The following LRRC19 variants were observed in gnomAD, a reference collection of about 807,000 sequenced individuals.
LRRC19 encodes the protein leucine rich repeat containing 19.
LRRC19 carries 33 observed loss-of-function variants against 33.3 expected under a neutral mutation model. That is an observed-to-expected ratio of 0.99 (90% CI 0.75 to 1.33). LRRC19 has a LOEUF of 1.33. LRRC19 is among the 40% of genes most tolerant of loss of function. LRRC19 has a pLI of 0.00. For synonymous variants in LRRC19, 184 were observed against 152.3 expected, an observed-to-expected ratio of 1.21 and a Z score of -1.53; for missense variants, 463 against 417.3, an observed-to-expected ratio of 1.11 and a Z score of -0.95.
At chr9:27,003,592 TTAGC>T (rs1400667467) in intron 1 of LRRC19, among the ~76,000 whole-genome samples, 4 of 152,154 alleles carry the variant, frequency 2.6e-5, no homozygotes, top group African/African-American at 9.7e-5. Context: ...TCTCGCCTCG[TTAGC>T]AATAAGGAAT....
Position 26,995,850 on chromosome 9 carries a change from C to A in LRRC19, c.785-1G>T. 1.3e-6 allele frequency: 2 copies of A among 1,589,900 alleles called. No homozygotes were observed. The highest frequency in any genetic ancestry group is 1.2e-5 in the South Asian group (1 of 86,590). Reference sequence around the variant, plus strand: ...CAACTTTTTCCAAGAGGTTCATGTTCTTTAATGGAATACCAAGAGAGGAGA... The same window carrying A: ...CAACTTTTTCCAAGAGGTTCATGTTATTTAATGGAATACCAAGAGAGGAGA... On this transcript the variant is annotated splice_acceptor_variant, in intron 4 of 4. Transcript: ENST00000380055. LOFTEE classifies it high-confidence loss of function.
At position 26,995,657 on chromosome 9, in the gene LRRC19, G is replaced by C. The variant is rs754027539; in HGVS notation, c.977C>G (p.Ser326Cys). ...YEDGFTGNPS[S>C]LSQIPETNSE... ...GTTTGTTTCTGGTATCTGTGAAAGA[G>C]AGCTTGGATTTCCAGTAAAACCATC... Residue 326 changes from serine to cysteine, a missense_variant, in exon 5 of 5, where the codon TCT becomes TGT. Physicochemically the swap from Ser to Cys is moderately radical, Grantham distance 112. Coordinates refer to ENST00000380055, the MANE Select transcript of LRRC19 (RefSeq NM_022901.3). The C allele has an allele frequency of 1.9e-6, 3 of 1,613,834 alleles. No individual in the cohort carries two copies. Among genetic ancestry groups the C allele is most frequent in the South Asian group, 1.1e-5 (1 of 91,066 alleles).
At position 26,993,616 on chromosome 9, in the gene LRRC19, C is replaced by T. The variant is rs979013664; in HGVS notation, c.*1905G>A. The T allele has an allele frequency of 6.6e-6, 1 of 152,226 alleles. No homozygotes were observed. Among genetic ancestry groups the T allele is most frequent in the African/African-American group, 2.4e-5 (1 of 41,390 alleles). 9.4% of individuals were successfully genotyped at this position (152,226 alleles called of 1,614,324 possible). ...TGACATAGATCTATTTTATTTTAGC[C>T]TCTTTTTTCTAAGGAATTGTCAAGT... On this transcript the variant is annotated 3_prime_UTR_variant, in exon 5 of 5. Coordinates refer to ENST00000380055, the MANE Select transcript of LRRC19 (RefSeq NM_022901.3).
At position 27,005,361 on chromosome 9, in the gene LRRC19, G is replaced by GCC. The variant is rs916556296; in HGVS notation, c.-10+229_-10+230dup. 3.2e-4 allele frequency among the ~76,000 whole-genome samples: 8 copies of GCC among 25,314 alleles called. 3 individuals are homozygous for GCC. In the East Asian group the frequency reaches 0.013, roughly 41 times the overall value. The allele number at this position is 25,314 out of a possible 152,430, so 16.6% of individuals were successfully genotyped here. On this transcript the variant is annotated intron_variant, in intron 1 of 4. Coordinates refer to ENST00000380055, the MANE Select transcript of LRRC19 (RefSeq NM_022901.3). ...GCTAGATGAAACCATTTCCCCCCCC[G>GCC]CCCCCCGCAAAACAATTACTTAGTA...
At position 26,998,127 on chromosome 9, in the gene LRRC19, T is replaced by G; in HGVS notation, c.196A>C (p.Thr66Pro). The change falls in exon 3 of 5, where the codon ACA (threonine) becomes CCA (proline). Residue 66 changes from threonine to proline, a missense_variant. Transcript: ENST00000380055. ...YNQITLNGTD[T>P]RVLQTYFLLT... ...AAAAAGTATGTCTGTAGAACTCTTGTGTCTGTACCATTAAGAGTAATTTGG... is the reference window on the plus strand; with the variant it reads ...AAAAAGTATGTCTGTAGAACTCTTGGGTCTGTACCATTAAGAGTAATTTGG... 1.2e-6 allele frequency: 2 copies of G among 1,612,102 alleles called. No homozygotes were observed. The highest frequency in any genetic ancestry group is 1.7e-6 in the Non-Finnish European group (2 of 1,178,462).
In LRRC19 at chr9:26,993,598, G is replaced by C. The variant is rs1281817273; in HGVS notation, c.*1923C>G. On this transcript the variant is annotated 3_prime_UTR_variant, in exon 5 of 5. Coordinates refer to ENST00000380055, the MANE Select transcript of LRRC19 (RefSeq NM_022901.3). ...TGACTATTCTATAGATTATGACATA[G>C]ATCTATTTTATTTTAGCCTCTTTTT... is the stretch of plus-strand genomic sequence containing the variant. 5.3e-5 allele frequency: 8 copies of C among 152,290 alleles called. No individual in the cohort carries two copies. The highest frequency in any genetic ancestry group is 1.2e-4 in the Non-Finnish European group (8 of 67,994). 9.4% of individuals were successfully genotyped at this position (152,290 alleles called of 1,614,324 possible).
Position 26,998,155 on chromosome 9 carries a change from A to G in LRRC19, c.168T>C (p.Tyr56=). 6.2e-7 allele frequency: 1 copy of G among 1,604,306 alleles called. No individual in the cohort carries two copies. The highest frequency in any genetic ancestry group is 2.2e-5 in the East Asian group (1 of 44,718). ...KKDVTILDLS[Y]NQITLNGTDT... is the part of the protein sequence containing the mutation. ...CTGTACCATTAAGAGTAATTTGGTT[A>G]TAACTGAGATCAAGTATAGTAACAT... Residue 56 remains tyrosine (Y), a synonymous_variant, in exon 3 of 5, where the codon TAT becomes TAC. Coordinates refer to ENST00000380055, the MANE Select transcript of LRRC19 (RefSeq NM_022901.3).
At chr9:26,996,522 A>T (rs1828168391) in intron 3 of LRRC19, 23 bp from the exon 4 acceptor site, 7 of 1,364,024 alleles carry the variant, frequency 5.1e-6, no homozygotes, top group Non-Finnish European at 6.7e-6. Context: ...AAAGAATAAG[A>T]TTTAGTATAG....
In LRRC19 at chr9:26,995,465, A is replaced by G. The variant is rs1220600151; in HGVS notation, c.*56T>C. ...TGTTATGTCACATAGCAAAATCTCCATATCTAAACTGAGTGAGCTGATAAC... is the reference window on the plus strand; with the variant it reads ...TGTTATGTCACATAGCAAAATCTCCGTATCTAAACTGAGTGAGCTGATAAC... On this transcript the variant is annotated 3_prime_UTR_variant, in exon 5 of 5. Transcript: ENST00000380055. 3.0e-6 allele frequency: 3 copies of G among 1,009,116 alleles called. No homozygotes were observed. The highest frequency in any genetic ancestry group is 2.8e-5 in the Admixed American group (1 of 35,400). 62.5% of individuals were successfully genotyped at this position (1,009,116 alleles called of 1,614,324 possible).
chr9:26,998,759 G>A (rs1203744699), intron 2 of LRRC19, among the ~76,000 whole-genome samples: 2 of 151,674 alleles, frequency 1.3e-5, no homozygotes, highest in African/African-American at 4.8e-5. Context: ...TGAGGCAGGC[G>A]GGTTACCTGA....
At chr9:26,997,301 T>C (rs992829572) in intron 3 of LRRC19, among the ~76,000 whole-genome samples, 1 of 151,994 alleles carries the variant, frequency 6.6e-6, no homozygotes, top group Admixed American at 6.6e-5. Flanking sequence ...TTTCTTCCTG[T>C]TTTGCTTAAA....
chr9:26,998,308 T>A, intron 2 of LRRC19, 67 bp from the exon 3 acceptor site: 2 of 998,332 alleles, frequency 2.0e-6, no homozygotes, highest in South Asian at 4.2e-5. Context: ...CCAAATTTCA[T>A]ATTTAAGCAC....
At chr9:27,003,524 GAA>G in intron 1 of LRRC19, among the ~76,000 whole-genome samples, 1 of 146,298 alleles carries the variant, frequency 6.8e-6, no homozygotes, top group East Asian at 2.0e-4. Flanking sequence ...CTCTGTCTCA[GAA>G]AAAAAAAAGA....
chr9:26,995,583 C>A lies in LRRC19; in HGVS notation c.1051G>T (p.Asp351Tyr). The change falls in exon 5 of 5, where the codon GAT becomes TAT. Residue 351 changes from aspartate to tyrosine, a missense_variant. Asp to Tyr is a radical substitution (Grantham distance 160). Coordinates refer to ENST00000380055, the MANE Select transcript of LRRC19 (RefSeq NM_022901.3). The stretch of plus-strand genomic sequence containing the variant: ...TTGTCTTCAATAAATCCATCATCAT[C>A]TACCACAAATGAATGTAATTGTTCA... ...IFEQLHSFVV[D>Y]DDGFIEDKYI... 1 of 1,601,360 alleles carries A rather than the reference C, an allele frequency of 6.2e-7. No homozygotes were observed. Among genetic ancestry groups the A allele is most frequent in the South Asian group, 1.1e-5 (1 of 90,686 alleles).
intron 1 of LRRC19, among the ~76,000 whole-genome samples, chr9:27,003,284 A>G (rs1331363215): frequency 6.6e-6 from 1 of 151,970 alleles, no homozygotes; most frequent in Non-Finnish European, 1.5e-5. Context: ...GCACTTTGGG[A>G]GGCCGAGGCG....
intron 3 of LRRC19, 144 bp from the exon 4 acceptor site, chr9:26,996,643 T>G (rs976149486): frequency 6.2e-6 from 3 of 483,312 alleles, no homozygotes; most frequent in Non-Finnish European, 1.0e-5. Flanking sequence ...TCTAGCAACA[T>G]AATGAAAGAA....
At chr9:26,998,713 G>A (rs553737957) in intron 2 of LRRC19, among the ~76,000 whole-genome samples, 1 of 152,116 alleles carries the variant, frequency 6.6e-6, no homozygotes, top group African/African-American at 2.4e-5. Flanking sequence ...GCTGGGCATG[G>A]TGGCTCACGC....
chr9:27,003,756 A>G (rs1013796912), intron 1 of LRRC19, among the ~76,000 whole-genome samples: 1 of 152,196 alleles, frequency 6.6e-6, no homozygotes, highest in African/African-American at 2.4e-5. Flanking sequence ...CCTATATTTT[A>G]TAAAATTTGG....
Position 26,998,238 on chromosome 9 carries a change from C to A in LRRC19, c.85G>T (p.Val29Phe). 28 of 1,432,242 alleles carry A rather than the reference C, an allele frequency of 2.0e-5. No individual in the cohort carries two copies. The highest frequency in any genetic ancestry group is 2.6e-5 in the Non-Finnish European group (28 of 1,073,278). The allele number at this position is 1,432,242 out of a possible 1,614,324, so 88.7% of individuals were successfully genotyped here. A position where few individuals can be genotyped will look rare whatever the true frequency, so the allele number is the denominator to read the frequency against. Reference protein sequence around the residue: ...SDKIQSSKREVQCNFTEKNYT... With the variant: ...SDKIQSSKREFQCNFTEKNYT... ...TTTTTTTCAGTAAAATTACATTGGACTTCCTAGAAAAACAAAAAAAAGAAA... is the reference window on the plus strand; with the variant it reads ...TTTTTTTCAGTAAAATTACATTGGAATTCCTAGAAAAACAAAAAAAAGAAA... Residue 29 changes from valine (V) to phenylalanine (F), a missense_variant, in exon 3 of 5, where the codon GTC (valine) becomes TTC (phenylalanine). Val to Phe is a conservative substitution (Grantham distance 50). Transcript: ENST00000380055.
Sources: gnomAD v4.1 joint callset for allele counts (sites outside exome capture counted in the v4.1 genomes callset) on GRCh38, gnomAD v4.1.1 for gene constraint, MANE v1.5 for transcripts, NCBI Gene and HGNC (gene_info 2026-07-23, HGNC 2026-07-21) for gene names.